ABCA1: variants seen among roughly 807,000 people sequenced by gnomAD.
ABCA1 encodes the protein phospholipid-transporting ATPase ABCA1.
A neutral mutation model predicts 262.5 loss-of-function variants in ABCA1; 133 were observed. The observed-to-expected ratio is 0.51, with a 90% confidence interval of 0.44 to 0.59. ABCA1 has a LOEUF of 0.59. ABCA1 is among the 20% of genes least tolerant of loss of function. The pLI is 0.00. For synonymous variants in ABCA1, 1,022 were observed against 1,043.5 expected, an observed-to-expected ratio of 0.98 and a Z score of 0.40; for missense variants, 2,452 against 2,777.5, an observed-to-expected ratio of 0.88 and a Z score of 2.63.
rs370988719 is a variant in ABCA1 at position 104,810,761 on chromosome 9, G to A, written c.4175+39C>T. On this transcript the variant is annotated intron_variant, in intron 29 of 49. Coordinates refer to ENST00000374736, the MANE Select transcript of ABCA1 (RefSeq NM_005502.4). ...CCTCGTAAACATCTTTGGTCTGCTC[G>A]AATCTTACCCCCTCCTGGGATGTAG... 1.1e-5 allele frequency: 18 copies of A among 1,613,826 alleles called. No homozygotes were observed. The African/African-American group carries it at 1.9e-4, about 17-fold the overall frequency.
At chr9:104,908,087 G>A (rs1045234215) in intron 1 of ABCA1, among the ~76,000 whole-genome samples, 2 of 152,268 alleles carry the variant, frequency 1.3e-5, no homozygotes, top group Middle Eastern at 3.4e-3. Context: ...TAGCTGCAGA[G>A]AAATGCAAAT....
chr9:104,814,612 A>G, intron 25 of ABCA1, 137 bp from the exon 26 acceptor site: 2 of 902,946 alleles, frequency 2.2e-6, no homozygotes, highest in East Asian at 5.2e-5. Flanking sequence ...TCTTAATAAC[A>G]CTTTCTCAGA....
In ABCA1 at chr9:104,840,254, G is replaced by A. The variant is rs547420071; in HGVS notation, c.1054+25C>T. On this transcript the variant is annotated intron_variant, in intron 9 of 49. Transcript: ENST00000374736. ...AAGGGAGGGATGGGGTTGGGGACAG[G>A]GCTGGGGTCTGCATGGACACTCACT... is the stretch of plus-strand genomic sequence containing the variant. The A allele has an allele frequency of 2.5e-6, 4 of 1,614,006 alleles. No homozygotes were observed. In the South Asian group the frequency reaches 3.3e-5, roughly 13 times the overall value.
In ABCA1 at chr9:104,903,582, G is replaced by A. The variant is rs750493467; in HGVS notation, c.66+32C>T. On this transcript the variant is annotated intron_variant, in intron 2 of 49. Transcript: ENST00000374736. ...TCAAAACCACAAAGAAAAAATGAGA[G>A]AACCCCCCGCTGCTGAAAAACCCAA... The A allele has an allele frequency of 4.5e-6, 7 of 1,561,290 alleles. No individual in the cohort carries two copies. The South Asian group carries it at 8.2e-5, about 18-fold the overall frequency.
chr9:104,824,034 T>C (rs745538682), intron 18 of ABCA1, among the ~76,000 whole-genome samples: 1 of 152,200 alleles, frequency 6.6e-6, no homozygotes, highest in African/African-American at 2.4e-5. Context: ...GATTACATTA[T>C]GAAGCATAGG....
At chr9:104,889,972 C>CT (rs1259867443) in intron 2 of ABCA1, among the ~76,000 whole-genome samples, 1 of 152,194 alleles carries the variant, frequency 6.6e-6, no homozygotes, top group African/African-American at 2.4e-5. Context: ...AATGAGGTTT[C>CT]TCCAAAGGAA....
At chr9:104,837,241 AT>A (rs1366161606) in intron 10 of ABCA1, 145 bp from the exon 11 acceptor site, 13 of 1,050,124 alleles carry the variant, frequency 1.2e-5, no homozygotes, top group Non-Finnish European at 1.8e-5. Flanking sequence ...GCTTGTAACT[AT>A]GATTCTATAC....
intron 16 of ABCA1, 92 bp downstream of exon 16, chr9:104,826,856 C>G: frequency 8.4e-7 from 1 of 1,195,094 alleles, no homozygotes; most frequent in African/African-American, 1.5e-5. Flanking sequence ...AAAAGACAAT[C>G]ATCTTCTGTT....
At chr9:104,803,810 T>C (rs2118904462) in intron 32 of ABCA1, among the ~76,000 whole-genome samples, 1 of 152,284 alleles carries the variant, frequency 6.6e-6, no homozygotes, top group East Asian at 1.9e-4. Flanking sequence ...TTTCCCCATG[T>C]TGGCCAGGCT....
intron 2 of ABCA1, among the ~76,000 whole-genome samples, chr9:104,900,675 C>T (rs2118413694): frequency 6.6e-6 from 1 of 152,274 alleles, no homozygotes; most frequent in South Asian, 2.1e-4. Flanking sequence ...AACTGTAGGG[C>T]CACCAGGAGA....
chr9:104,871,575 T>C (rs1837611254), intron 5 of ABCA1, among the ~76,000 whole-genome samples: 1 of 152,028 alleles, frequency 6.6e-6, no homozygotes, highest in African/African-American at 2.4e-5. Flanking sequence ...AGACATAACA[T>C]TGACCCAAAT....
chr9:104,889,021 A>G, intron 3 of ABCA1, 81 bp downstream of exon 3: 2 of 1,245,536 alleles, frequency 1.6e-6, no homozygotes, highest in Non-Finnish European at 2.4e-6. Flanking sequence ...GCATCTTTGG[A>G]AAAGTCCAAT....
intron 5 of ABCA1, among the ~76,000 whole-genome samples, chr9:104,878,101 A>C (rs140844903): frequency 5.3e-5 from 8 of 152,320 alleles, no homozygotes; most frequent in African/African-American, 1.9e-4. Context: ...TCTGTATCTC[A>C]CAGAGACAAA....
chr9:104,811,857 A>G (rs778200133), intron 28 of ABCA1, among the ~76,000 whole-genome samples: 2 of 152,234 alleles, frequency 1.3e-5, no homozygotes, highest in Non-Finnish European at 2.9e-5. Flanking sequence ...CATATAGCCA[A>G]TAAGTAGCAA....
rs1341081802 is a variant in ABCA1 at position 104,793,206 on chromosome 9, A to C, written c.5601T>G (p.Thr1867=). The C allele has an allele frequency of 1.9e-6, 3 of 1,614,006 alleles. No homozygotes were observed. In the African/African-American group the frequency reaches 4.0e-5, roughly 22 times the overall value. The change falls in exon 41 of 50, where the codon ACT becomes ACG. Residue 1867 remains threonine (T), a synonymous_variant. Transcript: ENST00000374736. The stretch of plus-strand genomic sequence containing the variant: ...TGAAGAATCTGTACTGGATCAGAAC[A>C]GTAATGAGGAAGAACACCACCCCTT... The part of the protein sequence containing the change: ...AVEGVVFFLI[T]VLIQYRFFIR...
intron 5 of ABCA1, among the ~76,000 whole-genome samples, chr9:104,879,262 A>G (rs1838421016): frequency 6.6e-6 from 1 of 152,194 alleles, no homozygotes; most frequent in Non-Finnish European, 1.5e-5. Flanking sequence ...TCTTAGAAGA[A>G]TACTGGCTCT....
intron 42 of ABCA1, 104 bp downstream of exon 42, chr9:104,792,682 G>T: frequency 7.0e-7 from 1 of 1,433,462 alleles, no homozygotes; most frequent in Non-Finnish European, 9.8e-7. Flanking sequence ...TGTACATTTT[G>T]GGAACACATG....
intron 7 of ABCA1, among the ~76,000 whole-genome samples, chr9:104,852,396 C>G (rs1835448658): frequency 6.6e-6 from 1 of 152,180 alleles, no homozygotes; most frequent in Non-Finnish European, 1.5e-5. Context: ...AATAAATCAA[C>G]AACCTAAATA....
chr9:104,921,352 A>C (rs1261939045), intron 1 of ABCA1, among the ~76,000 whole-genome samples: 1 of 152,258 alleles, frequency 6.6e-6, no homozygotes, highest in African/African-American at 2.4e-5. Flanking sequence ...GATCCAATGC[A>C]TATGAAGTTA....
Sources: gnomAD v4.1 joint callset for allele counts (sites outside exome capture counted in the v4.1 genomes callset) on GRCh38, gnomAD v4.1.1 for gene constraint, MANE v1.5 for transcripts, NCBI Gene and HGNC (gene_info 2026-07-23, HGNC 2026-07-21) for gene names.